ROBO2: variants seen among roughly 807,000 people sequenced by gnomAD.
ROBO2 encodes roundabout guidance receptor 2, also known as roundabout homolog 2.
Under a neutral mutation model 160.8 loss-of-function variants are expected in ROBO2, and 53 were observed. The ratio of observed to expected loss-of-function variants is 0.33; its 90% CI spans 0.26 to 0.41. ROBO2 has a LOEUF of 0.41. Ranked by LOEUF, ROBO2 falls within the 10% of genes least tolerant of loss-of-function variation. The pLI is 1.00. For synonymous variants in ROBO2, 664 were observed against 611.7 expected (o/e 1.09, Z -1.26); for missense variants, 1,577 against 1,722.4 (o/e 0.92, Z 1.49).
At chr3:77,110,751 T>A (rs2073472086) in intron 2 of ROBO2, among the ~76,000 whole-genome samples, 2 of 151,664 alleles carry the variant, frequency 1.3e-5, no homozygotes. Context: ...TGGAGTGCAG[T>A]GGCGTGATCA....
intron 1 of ROBO2, among the ~76,000 whole-genome samples, chr3:77,082,561 G>C (rs375708829): frequency 2.6e-5 from 4 of 151,894 alleles, no homozygotes; most frequent in African/African-American, 9.7e-5. Context: ...ATGAACTTTA[G>C]ACTGTTGATA....
chr3:76,096,932 C>T (rs935100668), intron 2 of ROBO2, among the ~76,000 whole-genome samples: 3 of 152,068 alleles, frequency 2.0e-5, no homozygotes, highest in Non-Finnish European at 2.9e-5. Flanking sequence ...TATGGGCAGA[C>T]GACTGACAAA....
At chr3:76,567,791 G>A (rs1301727793) in intron 2 of ROBO2, among the ~76,000 whole-genome samples, 4 of 83,126 alleles carry the variant, frequency 4.8e-5, no homozygotes, top group African/African-American at 1.4e-4. Context: ...GTGTGTGTGT[G>A]TGTGTGTATA....
chr3:77,404,660 AT>A (rs1359181245), intron 2 of ROBO2, among the ~76,000 whole-genome samples: 2 of 152,200 alleles, frequency 1.3e-5, no homozygotes, highest in Non-Finnish European at 2.9e-5. Flanking sequence ...TATTCTTAGA[AT>A]TTAATGGGGG....
At chr3:76,996,707 A>T (rs1472449825) in intron 2 of ROBO2, among the ~76,000 whole-genome samples, 4 of 152,300 alleles carry the variant, frequency 2.6e-5, no homozygotes, top group African/African-American at 9.6e-5. Context: ...TACCAAGTCG[A>T]GTACATTCTT....
chr3:76,526,889 G>A (rs2081975726), intron 2 of ROBO2, among the ~76,000 whole-genome samples: 1 of 152,028 alleles, frequency 6.6e-6, no homozygotes, highest in Non-Finnish European at 1.5e-5. Flanking sequence ...GACAGGCCTT[G>A]CAATCAGTGA....
intron 25 of ROBO2, among the ~76,000 whole-genome samples, chr3:77,645,780 T>A (rs887214403): frequency 6.6e-6 from 1 of 152,216 alleles, no homozygotes; most frequent in Non-Finnish European, 1.5e-5. Flanking sequence ...CATAACTACT[T>A]GAATTTTTCT....
chr3:77,197,216 C>CCAAAACTTGCAA, intron 2 of ROBO2, among the ~76,000 whole-genome samples: 1 of 152,142 alleles, frequency 6.6e-6, no homozygotes, highest in Admixed American at 6.5e-5. Context: ...GCTGAAATTT[C>CCAAAACTTGCAA]ACACCTTTCA....
At chr3:76,057,649 C>T (rs1178066568) in intron 2 of ROBO2, among the ~76,000 whole-genome samples, 1 of 152,086 alleles carries the variant, frequency 6.6e-6, no homozygotes. Context: ...ATTTATAGAG[C>T]TGGAACCGTA....
intron 2 of ROBO2, among the ~76,000 whole-genome samples, chr3:76,862,305 G>GGCTTTATCCTCATGTATA (rs2070872032): frequency 6.6e-6 from 1 of 152,120 alleles, no homozygotes; most frequent in Non-Finnish European, 1.5e-5. Context: ...TAAGTTGTAG[G>GGCTTTATCCTCATGTATA]AGGAGAAAAG....
intron 2 of ROBO2, among the ~76,000 whole-genome samples, chr3:76,160,266 T>C (rs2072568707): frequency 6.6e-6 from 1 of 152,182 alleles, no homozygotes; most frequent in African/African-American, 2.4e-5. Context: ...GCTTCAGAAC[T>C]TGATTCCACT....
intron 2 of ROBO2, among the ~76,000 whole-genome samples, chr3:76,500,088 G>A (rs530775869): frequency 6.6e-6 from 1 of 152,032 alleles, no homozygotes; most frequent in African/African-American, 2.4e-5. Flanking sequence ...AACTTGGGGT[G>A]GTGGGGGGAC....
intron 2 of ROBO2, among the ~76,000 whole-genome samples, chr3:76,197,802 G>A (rs539716607): frequency 9.2e-5 from 14 of 152,276 alleles, no homozygotes; most frequent in African/African-American, 2.4e-4. Flanking sequence ...TAATTCTAGA[G>A]CCAGGATGTT....
At chr3:76,400,607 G>A (rs1199014638) in intron 2 of ROBO2, among the ~76,000 whole-genome samples, 4 of 151,504 alleles carry the variant, frequency 2.6e-5, no homozygotes, top group South Asian at 2.1e-4. Context: ...AAAATAAACT[G>A]TGAGTAGTAT....
chr3:76,334,538 A>G (rs763082453), intron 2 of ROBO2, among the ~76,000 whole-genome samples: 4 of 152,176 alleles, frequency 2.6e-5, no homozygotes, highest in Non-Finnish European at 4.4e-5. Context: ...TTTTCTAGTG[A>G]TCTACAAGCA....
chr3:77,317,192 G>A (rs573866388), intron 2 of ROBO2: 57 of 864,052 alleles, frequency 6.6e-5, no homozygotes, highest in African/African-American at 6.3e-4. Flanking sequence ...AGAGCACCCC[G>A]GATGGAAGGC....
chr3:76,374,162 C>G (rs1368448489), intron 2 of ROBO2, among the ~76,000 whole-genome samples: 1 of 151,922 alleles, frequency 6.6e-6, no homozygotes, highest in African/African-American at 2.4e-5. Flanking sequence ...CGAGTCCCCC[C>G]TCCCATGTTT....
intron 2 of ROBO2, among the ~76,000 whole-genome samples, chr3:76,869,584 C>T (rs1577144575): frequency 6.6e-6 from 1 of 151,744 alleles, no homozygotes; most frequent in African/African-American, 2.4e-5. Context: ...CTCCTGACCT[C>T]GTGATCCGCC....
At chr3:76,972,428 A>C (rs939202995) in intron 2 of ROBO2, among the ~76,000 whole-genome samples, 9 of 152,022 alleles carry the variant, frequency 5.9e-5, no homozygotes, top group Non-Finnish European at 8.8e-5. Flanking sequence ...GTTTTTTTGA[A>C]TGCAGAGAAA....
Sources: allele counts gnomAD v4.1 joint callset (sites outside exome capture counted in the v4.1 genomes callset), GRCh38; gene constraint gnomAD v4.1.1; transcripts MANE v1.5; gene names NCBI Gene and HGNC (gene_info 2026-07-23, HGNC 2026-07-21).